The following MAP2K6 variants were observed in gnomAD, a reference collection of about 807,000 sequenced individuals.
The protein encoded by MAP2K6 is dual specificity mitogen-activated protein kinase kinase 6.
In MAP2K6, 16 loss-of-function variants were observed where a neutral mutation model predicts 53.7. The observed-to-expected ratio is 0.30, with a 90% CI of 0.20 to 0.45. The LOEUF is 0.45. MAP2K6 is among the 20% of genes least tolerant of loss of function. The probability of loss-of-function intolerance (pLI) is 1.00; values close to 1 mark genes in which losing one functional copy is unlikely to be tolerated. For synonymous variants in MAP2K6, 132 were observed against 143.1 expected (o/e 0.92, Z 0.55); for missense variants, 204 against 411.9 (o/e 0.50, Z 4.37).
At chr17:69,472,048 G>A (rs1197698569) in intron 1 of MAP2K6, among the ~76,000 whole-genome samples, 1 of 152,126 alleles carries the variant, frequency 6.6e-6, no homozygotes, top group Non-Finnish European at 1.5e-5. Context: ...CCATTTCAGA[G>A]GCCTTGGGTT....
At chr17:69,509,039 A>G (rs554052173) in intron 2 of MAP2K6, among the ~76,000 whole-genome samples, 2 of 152,354 alleles carry the variant, frequency 1.3e-5, no homozygotes, top group South Asian at 4.1e-4. Context: ...TAACAGGGAA[A>G]CATGATTCCT....
chr17:69,541,607 C>A, intron 11 of MAP2K6, 69 bp from the exon 12 acceptor site: 1 of 1,183,754 alleles, frequency 8.4e-7, no homozygotes, highest in Non-Finnish European at 1.2e-6. Context: ...CAGATCTATT[C>A]ATTTGCTAAT....
chr17:69,445,119 C>A (rs1906932323), intron 1 of MAP2K6, among the ~76,000 whole-genome samples: 1 of 152,124 alleles, frequency 6.6e-6, no homozygotes, highest in Non-Finnish European at 1.5e-5. Context: ...TGGGGTTTCA[C>A]CGTGGTGGCC....
At chr17:69,415,684 G>T (rs767522217) in intron 1 of MAP2K6, among the ~76,000 whole-genome samples, 1 of 152,148 alleles carries the variant, frequency 6.6e-6, no homozygotes, top group Non-Finnish European at 1.5e-5. Flanking sequence ...TTTTATGTCT[G>T]CCCATTTGGG....
intron 1 of MAP2K6, among the ~76,000 whole-genome samples, chr17:69,440,048 T>C (rs549749937): frequency 6.6e-5 from 10 of 152,278 alleles, no homozygotes; most frequent in African/African-American, 2.4e-4. Flanking sequence ...TTGAACCCTC[T>C]GTACTTTCTT....
chr17:69,532,573 T>C (rs1911137652), intron 10 of MAP2K6, among the ~76,000 whole-genome samples: 1 of 152,254 alleles, frequency 6.6e-6, no homozygotes, highest in African/African-American at 2.4e-5. Context: ...TATACTGAAT[T>C]TCAAGTACTT....
intron 1 of MAP2K6, among the ~76,000 whole-genome samples, chr17:69,467,266 A>G (rs1485599135): frequency 6.6e-6 from 1 of 152,244 alleles, no homozygotes; most frequent in East Asian, 1.9e-4. Context: ...AGACTGAAAC[A>G]TGTTAGAATT....
intron 11 of MAP2K6, among the ~76,000 whole-genome samples, chr17:69,538,166 A>G (rs1164175411): frequency 1.3e-5 from 2 of 152,158 alleles, no homozygotes; most frequent in East Asian, 1.9e-4. Context: ...CTGTACTCCT[A>G]TTCTAAAGTT....
chr17:69,499,512 A>C (rs1909072563), intron 1 of MAP2K6, among the ~76,000 whole-genome samples: 1 of 152,212 alleles, frequency 6.6e-6, no homozygotes, highest in African/African-American at 2.4e-5. Context: ...ATTTGAAATG[A>C]TTCTTATTGA....
chr17:69,534,199 C>A (rs1340924886), intron 10 of MAP2K6, among the ~76,000 whole-genome samples: 2 of 152,178 alleles, frequency 1.3e-5, no homozygotes, highest in East Asian at 3.9e-4. Flanking sequence ...TGACCTCCAG[C>A]TGAGAACCAC....
chr17:69,537,855 T>C (rs750886862), intron 11 of MAP2K6, among the ~76,000 whole-genome samples: 1 of 152,224 alleles, frequency 6.6e-6, no homozygotes, highest in African/African-American at 2.4e-5. Flanking sequence ...GAATATTTTC[T>C]TCCCGATTAT....
intron 1 of MAP2K6, among the ~76,000 whole-genome samples, chr17:69,496,705 A>G (rs1021355017): frequency 5.3e-5 from 8 of 151,974 alleles, no homozygotes; most frequent in Admixed American, 5.2e-4. Flanking sequence ...TGTCTGTCTC[A>G]GGCAACTTTC....
chr17:69,523,683 C>T lies in MAP2K6; in HGVS notation c.663+42C>T, dbSNP rs375432346. The T allele has an allele frequency of 4.7e-5, 75 of 1,601,108 alleles. 1 individual carries two copies. The Admixed American group carries it at 9.5e-4, about 20-fold the overall frequency. On this transcript the variant is annotated intron_variant, in intron 8 of 11. Transcript: ENST00000590474. ...GGGTGGCATCTGGTAATGTCACTGC[C>T]GACAAATCATGCTGGGAAACAAGAA...
At position 69,552,386 on chromosome 17, in the gene MAP2K6, G is replaced by C. The variant is rs1912135374; in HGVS notation, c.*10633G>C. 1 of 152,216 alleles carries C rather than the reference G, an allele frequency of 6.6e-6. No individual in the cohort carries two copies. The highest frequency in any genetic ancestry group is 2.1e-4 in the South Asian group (1 of 4,830). 9.4% of individuals were successfully genotyped at this position (152,216 alleles called of 1,614,324 possible). A position where few individuals can be genotyped will look rare whatever the true frequency, so the allele number is the denominator to read the frequency against. ...AAAATAAAAGAATGAATGCTATTCA[G>C]TGGATTCCCTCATTGAGGCTCCCAT... On this transcript the variant is annotated 3_prime_UTR_variant, in exon 12 of 12. Transcript: ENST00000590474.
At chr17:69,425,959 C>G (rs1003480498) in intron 1 of MAP2K6, among the ~76,000 whole-genome samples, 1 of 152,048 alleles carries the variant, frequency 6.6e-6, no homozygotes, top group African/African-American at 2.4e-5. Flanking sequence ...ACCCGAAACA[C>G]CTTTGCCATT....
chr17:69,483,820 A>T (rs1172410728), intron 1 of MAP2K6, among the ~76,000 whole-genome samples: 1 of 152,130 alleles, frequency 6.6e-6, no homozygotes, highest in Non-Finnish European at 1.5e-5. Flanking sequence ...ATTTTTGACA[A>T]GAGTGCCAAG....
chr17:69,521,106 C>T lies in MAP2K6; in HGVS notation c.535+6C>T, dbSNP rs766755714. ...GCTGTCTGTCATTCACAGAGGTAAG[C>T]ATCCATGAGCTGCCTTGGCTGTTCC... On this transcript the variant is annotated splice_donor_region_variant and intron_variant, in intron 7 of 11. Coordinates refer to ENST00000590474, the MANE Select transcript of MAP2K6 (RefSeq NM_002758.4). 6.2e-6 allele frequency: 10 copies of T among 1,608,716 alleles called. No homozygotes were observed. The Admixed American group carries it at 1.2e-4, about 19-fold the overall frequency.
At position 69,547,390 on chromosome 17, in the gene MAP2K6, A is replaced by C. The variant is rs1408287088; in HGVS notation, c.*5637A>C. On this transcript the variant is annotated 3_prime_UTR_variant, in exon 12 of 12. Transcript: ENST00000590474. ...CTCAGCTCTGCTGTTGTATCATGAA[A>C]GCATCTATACGCAATACACAAATGA... The C allele has an allele frequency of 1.3e-5, 2 of 152,278 alleles. No homozygotes were observed. The highest frequency in any genetic ancestry group is 2.9e-5 in the Non-Finnish European group (2 of 68,060). The allele number at this position is 152,278 out of a possible 1,614,324, so 9.4% of individuals were successfully genotyped here.
At chr17:69,510,125 C>T (rs565730331) in intron 2 of MAP2K6, among the ~76,000 whole-genome samples, 2 of 152,220 alleles carry the variant, frequency 1.3e-5, no homozygotes, top group South Asian at 2.1e-4. Context: ...GGATTACAGG[C>T]GCGAGCCAAC....
Sources: allele counts gnomAD v4.1 joint callset (sites outside exome capture counted in the v4.1 genomes callset), GRCh38; gene constraint gnomAD v4.1.1; transcripts MANE v1.5; gene names NCBI Gene and HGNC (gene_info 2026-07-23, HGNC 2026-07-21).